Variants in PDZRN4 observed in about 807,000 individuals in gnomAD.
The protein encoded by PDZRN4 is PDZ domain-containing RING finger protein 4.
In PDZRN4, 70 loss-of-function variants were observed where a neutral mutation model predicts 99.0. The observed-to-expected ratio is 0.71, with a 90% CI of 0.58 to 0.86. PDZRN4 has a LOEUF of 0.86. PDZRN4 is among the 40% of genes least tolerant of loss of function. The pLI is 0.00. For synonymous variants in PDZRN4, 551 were observed against 501.6 expected, an observed-to-expected ratio of 1.10 and a Z score of -1.32; for missense variants, 1,474 against 1,331.2, an observed-to-expected ratio of 1.11 and a Z score of -1.67.
chr12:41,303,584 A>G (rs1233973243), intron 3 of PDZRN4, among the ~76,000 whole-genome samples: 1 of 152,130 alleles, frequency 6.6e-6, no homozygotes, highest in Non-Finnish European at 1.5e-5. Context: ...TAAGCACTCA[A>G]TATATATTGT....
chr12:41,337,598 T>G (rs546784055), intron 3 of PDZRN4, among the ~76,000 whole-genome samples: 3 of 152,278 alleles, frequency 2.0e-5, no homozygotes, highest in Admixed American at 1.3e-4. Context: ...AGAAGCCCAG[T>G]GGAATTTCAT....
At chr12:41,437,729 C>A (rs1265659093) in intron 3 of PDZRN4, 9 of 1,449,580 alleles carry the variant, frequency 6.2e-6, no homozygotes, top group Admixed American at 5.3e-5. Context: ...GTGTGTGTAT[C>A]CGTGAGTGCA....
intron 3 of PDZRN4, among the ~76,000 whole-genome samples, chr12:41,469,059 G>GC (rs1952960869): frequency 6.6e-6 from 1 of 151,898 alleles, no homozygotes; most frequent in Non-Finnish European, 1.5e-5. Context: ...GCACCTCTTA[G>GC]CCCTCCTTTT....
intron 3 of PDZRN4, among the ~76,000 whole-genome samples, chr12:41,396,969 G>C (rs1321216217): frequency 6.6e-6 from 1 of 151,154 alleles, no homozygotes; most frequent in Admixed American, 6.6e-5. Context: ...ACTTTATGAT[G>C]AACCATTAGC....
At chr12:41,553,065 C>T (rs1022821618) in intron 6 of PDZRN4, among the ~76,000 whole-genome samples, 1 of 152,182 alleles carries the variant, frequency 6.6e-6, no homozygotes, top group Non-Finnish European at 1.5e-5. Flanking sequence ...GTTTTTGATC[C>T]TCAAACATCT....
Position 41,375,405 on chromosome 12 carries a change from G to A in PDZRN4, c.844-131051G>A, listed in dbSNP as rs533742722. ...GATGATAGATAGAATGAAATTTCAA[G>A]AGGAGGGGATCTTGAATAACATTAT... On this transcript the variant is annotated intron_variant, in intron 3 of 9. Transcript: ENST00000402685. 2.6e-5 allele frequency among the ~76,000 whole-genome samples: 4 copies of A among 152,256 alleles called. No homozygotes were observed. In the South Asian group the frequency reaches 8.3e-4, roughly 31 times the overall value.
intron 3 of PDZRN4, among the ~76,000 whole-genome samples, chr12:41,497,609 T>A (rs1592085155): frequency 6.6e-6 from 1 of 152,120 alleles, no homozygotes; most frequent in East Asian, 1.9e-4. Context: ...ATATAAAAAG[T>A]CTTTTTGTAG....
At chr12:41,297,101 T>C (rs547021924) in intron 3 of PDZRN4, among the ~76,000 whole-genome samples, 20 of 152,328 alleles carry the variant, frequency 1.3e-4, no homozygotes, top group Non-Finnish European at 1.8e-4. Context: ...ACATCACTTA[T>C]AAATGTGTCC....
intron 3 of PDZRN4, among the ~76,000 whole-genome samples, chr12:41,471,091 G>T (rs946322204): frequency 5.9e-5 from 9 of 152,208 alleles, no homozygotes; most frequent in Admixed American, 5.2e-4. Flanking sequence ...ACACAGCGGT[G>T]GTTGGAAATG....
intron 3 of PDZRN4, among the ~76,000 whole-genome samples, chr12:41,297,980 T>C (rs2120924296): frequency 6.6e-6 from 1 of 152,220 alleles, no homozygotes; most frequent in East Asian, 1.9e-4. Context: ...ATTAACACAG[T>C]GACAGCTTTG....
At chr12:41,549,643 A>G (rs1939019142) in intron 5 of PDZRN4, among the ~76,000 whole-genome samples, 1 of 152,182 alleles carries the variant, frequency 6.6e-6, no homozygotes, top group African/African-American at 2.4e-5. Context: ...CCTTGCATTA[A>G]GGCTTTGTAT....
chr12:41,396,523 C>G (rs1308202663), intron 3 of PDZRN4, among the ~76,000 whole-genome samples: 1 of 152,076 alleles, frequency 6.6e-6, no homozygotes, highest in Non-Finnish European at 1.5e-5. Flanking sequence ...TAAAAACAAA[C>G]ATTATTAGCT....
rs1565573031 is a variant in PDZRN4 at position 41,402,167 on chromosome 12, TACACACTGAGTATATATATATATAC to T, written c.844-104282_844-104258del. On this transcript the variant is annotated intron_variant, in intron 3 of 9. Transcript: ENST00000402685. The stretch of plus-strand genomic sequence containing the variant: ...CACACACTGAGTATATATATATATA[TACACACTGAGTATATATATATATAC>T]ACACACACTGAGTATACATATATAT... Among the ~76,000 whole-genome samples the T allele has an allele frequency of 6.5e-4, 40 of 61,110 alleles. 2 individuals are homozygous for T. The highest frequency in any genetic ancestry group is 2.7e-3 in the African/African-American group (36 of 13,444). 40.1% of individuals were successfully genotyped at this position (61,110 alleles called of 152,430 possible).
chr12:41,189,705 T>C (rs1950723734), intron 1 of PDZRN4, among the ~76,000 whole-genome samples: 2 of 152,180 alleles, frequency 1.3e-5, no homozygotes, highest in African/African-American at 2.4e-5. Context: ...TTTCTTAGAC[T>C]TGCAGAGTTC....
At chr12:41,418,328 C>CT (rs1207956220) in intron 3 of PDZRN4, among the ~76,000 whole-genome samples, 1 of 152,092 alleles carries the variant, frequency 6.6e-6, no homozygotes, top group Admixed American at 6.5e-5. Flanking sequence ...ATCAATTCTG[C>CT]TGGTGCATTA....
chr12:41,521,226 T>C (rs1013487403), intron 5 of PDZRN4, among the ~76,000 whole-genome samples: 12 of 152,114 alleles, frequency 7.9e-5, no homozygotes, highest in African/African-American at 2.9e-4. Context: ...AGTAGCAAAA[T>C]GTTAGAAGTT....
intron 3 of PDZRN4, among the ~76,000 whole-genome samples, chr12:41,467,769 A>G (rs1952942489): frequency 6.6e-6 from 1 of 152,224 alleles, no homozygotes; most frequent in Non-Finnish European, 1.5e-5. Flanking sequence ...ATAATGCAGA[A>G]AGCCCCAGGG....
intron 3 of PDZRN4, among the ~76,000 whole-genome samples, chr12:41,361,406 A>G (rs1345644234): frequency 1.3e-5 from 2 of 152,018 alleles, no homozygotes; most frequent in Admixed American, 6.6e-5. Flanking sequence ...GCAGATAAAG[A>G]TGATTGTCCC....
intron 3 of PDZRN4, among the ~76,000 whole-genome samples, chr12:41,421,103 T>C (rs1952485461): frequency 6.6e-6 from 1 of 152,222 alleles, no homozygotes; most frequent in Non-Finnish European, 1.5e-5. Context: ...CTCTCATTTA[T>C]TGCATATACC....
Sources: allele counts gnomAD v4.1 joint callset (sites outside exome capture counted in the v4.1 genomes callset), GRCh38; gene constraint gnomAD v4.1.1; transcripts MANE v1.5; gene names NCBI Gene and HGNC (gene_info 2026-07-23, HGNC 2026-07-21).